The following ACOT1 variants were observed in gnomAD, a reference collection of about 807,000 sequenced individuals.
The protein encoded by ACOT1 is acyl-coenzyme A thioesterase 1.
In ACOT1, 8 loss-of-function variants were observed where a neutral mutation model predicts 15.7. The ratio of observed to expected loss-of-function variants is 0.51; its 90% CI spans 0.30 to 0.92. The LOEUF (loss-of-function observed/expected upper bound fraction) is 0.92. ACOT1 is among the 40% of genes least tolerant of loss of function. ACOT1 has a pLI of 0.06. For synonymous variants in ACOT1, 67 were observed against 241.2 expected, an observed-to-expected ratio of 0.28 and a Z score of 6.69; for missense variants, 151 against 539.4, an observed-to-expected ratio of 0.28 and a Z score of 7.13.
the ACOT1 span, among the ~76,000 whole-genome samples, chr14:73,517,852 G>T: frequency 6.6e-6 from 1 of 152,044 alleles, no homozygotes; most frequent in African/African-American, 2.4e-5. Context: ...ACTTTGGGAG[G>T]CCGAGGTGGA....
the ACOT1 span, among the ~76,000 whole-genome samples, chr14:73,526,024 A>G: frequency 2.7e-4 from 41 of 151,836 alleles, no homozygotes; most frequent in African/African-American, 9.4e-4. Flanking sequence ...TGGTTTTCAC[A>G]TCGTATCAAG....
At chr14:73,499,336 C>T in the ACOT1 span, among the ~76,000 whole-genome samples, 1 of 152,090 alleles carries the variant, frequency 6.6e-6, no homozygotes, top group South Asian at 2.1e-4. Context: ...CAAAAATTAG[C>T]CGGGCATGGT....
the ACOT1 span, among the ~76,000 whole-genome samples, chr14:73,513,737 A>AG: frequency 6.8e-6 from 1 of 146,096 alleles, no homozygotes; most frequent in Non-Finnish European, 1.5e-5. Flanking sequence ...CCAAAAAAAA[A>AG]AAAAAAAAAA....
the ACOT1 span, chr14:73,493,063 T>C: frequency 5.0e-6 from 8 of 1,612,752 alleles, no homozygotes; most frequent in Non-Finnish European, 6.8e-6. Context: ...TGCTCACATT[T>C]ACCTTTATCA....
At chr14:73,517,813 A>G in the ACOT1 span, among the ~76,000 whole-genome samples, 7 of 151,764 alleles carry the variant, frequency 4.6e-5, no homozygotes, top group Admixed American at 2.0e-4. Flanking sequence ...AAGAGGCTGG[A>G]CACGGTGGCT....
intron 1 of ACOT1, among the ~76,000 whole-genome samples, chr14:73,538,420 T>C (rs1293640718): frequency 9.0e-6 from 1 of 111,404 alleles, no homozygotes; most frequent in Non-Finnish European, 1.9e-5. Context: ...AAGGCCATCC[T>C]GGCTAACACG....
chr14:73,509,806 G>A, the ACOT1 span, among the ~76,000 whole-genome samples: 1 of 85,982 alleles, frequency 1.2e-5, no homozygotes, highest in Non-Finnish European at 2.3e-5. Context: ...TTTGCCCCAT[G>A]AGCCCATATA....
At chr14:73,491,366 A>G in the ACOT1 span, 1 of 1,369,734 alleles carries the variant, frequency 7.3e-7, no homozygotes, top group Non-Finnish European at 9.4e-7. Context: ...CTCCCTGCAG[A>G]CCCCGTCGGC....
chr14:73,495,132 T>A, the ACOT1 span: 1 of 1,041,678 alleles, frequency 9.6e-7, no homozygotes, highest in Non-Finnish European at 1.4e-6. Context: ...GACTCTTTCA[T>A]CCTCTAAGGC....
the ACOT1 span, chr14:73,520,953 A>G: frequency 6.2e-7 from 1 of 1,613,754 alleles, no homozygotes; most frequent in African/African-American, 1.3e-5. Flanking sequence ...GGGCTGGGAG[A>G]GGCTCGTCTT....
intron 1 of ACOT1, among the ~76,000 whole-genome samples, chr14:73,540,290 TAAAA>T (rs1434356490): frequency 3.3e-5 from 5 of 151,450 alleles, no homozygotes; most frequent in African/African-American, 9.7e-5. Flanking sequence ...TGGATTAATT[TAAAA>T]AAAGAGCAAA....
the ACOT1 span, among the ~76,000 whole-genome samples, chr14:73,521,328 T>C: frequency 6.6e-6 from 1 of 152,088 alleles, no homozygotes; most frequent in Non-Finnish European, 1.5e-5. Flanking sequence ...ATAACCCTTT[T>C]TTAACATTCG....
chr14:73,540,742 CTTTTT>C (rs200357086), intron 1 of ACOT1, among the ~76,000 whole-genome samples: 16,647 of 73,562 alleles, frequency 0.23, 1,020 homozygotes, highest in African/African-American at 0.41. Context: ...TGTTTGCATT[CTTTTT>C]TTTTTTTTTT....
At chr14:73,504,971 GC>G in the ACOT1 span, among the ~76,000 whole-genome samples, 1 of 151,698 alleles carries the variant, frequency 6.6e-6, no homozygotes, top group Non-Finnish European at 1.5e-5. Flanking sequence ...TCGCTCTGTC[GC>G]CCAGGCTGGA....
the ACOT1 span, chr14:73,493,210 T>C: frequency 2.8e-6 from 3 of 1,071,804 alleles, no homozygotes; most frequent in Non-Finnish European, 4.3e-6. Context: ...TTCATCACCT[T>C]CAGGCTTCAG....
At chr14:73,513,926 A>C in the ACOT1 span, 3 of 1,200,206 alleles carry the variant, frequency 2.5e-6, no homozygotes, top group African/African-American at 1.5e-5. Context: ...AGATTTTTAC[A>C]TTTCACAAAG....
chr14:73,492,214 T>C, the ACOT1 span: 1 of 1,614,000 alleles, frequency 6.2e-7, no homozygotes, highest in East Asian at 2.2e-5. The surrounding 1 kb of genome is among the most constrained non-coding windows in gnomAD (Gnocchi z 4.9). Flanking sequence ...TGCTGTATTT[T>C]CCTCGGGGCT....
Position 73,537,506 on chromosome 14 carries a change from G to A in ACOT1, c.85G>A (p.Glu29Lys), listed in dbSNP as rs199573594. The change falls in exon 1 of 3, where the codon GAG becomes AAG. Residue 29 changes from glutamate to lysine, a missense_variant. Transcript: ENST00000311148. ...AATCGCCGTGCGCGGCCTAGCCCCG[G>A]AGCAGCCGGTCACGCTGCGCGCGTC... ...VRIAVRGLAP[E>K]QPVTLRASLR... is the part of the protein sequence containing the mutation. 11,091 of 1,215,596 alleles carry A rather than the reference G, an allele frequency of 9.1e-3. 3,434 individuals are homozygous for A. The highest frequency in any genetic ancestry group is 0.011 in the Non-Finnish European group (10,238 of 922,868). The allele number at this position is 1,215,596 out of a possible 1,614,324, so 75.3% of individuals were successfully genotyped here.
At chr14:73,499,490 AAAAAC>A in the ACOT1 span, among the ~76,000 whole-genome samples, 3 of 152,122 alleles carry the variant, frequency 2.0e-5, no homozygotes, top group Non-Finnish European at 4.4e-5. Context: ...AAAAAAGCAA[AAAAAC>A]AAAACAAAGC....
Sources: allele counts gnomAD v4.1 joint callset (sites outside exome capture counted in the v4.1 genomes callset), GRCh38; gene constraint gnomAD v4.1.1; non-coding constraint Gnocchi (gnomAD v3.1); transcripts MANE v1.5; gene names NCBI Gene and HGNC (gene_info 2026-07-23, HGNC 2026-07-21).